TTC19: variants seen among roughly 807,000 people sequenced by gnomAD.
TTC19 encodes the protein tetratricopeptide repeat protein 19, mitochondrial.
In TTC19, 38 loss-of-function variants were observed where a neutral mutation model predicts 49.5. The ratio of observed to expected loss-of-function variants is 0.77; its 90% CI spans 0.59 to 1.01. TTC19 has a LOEUF of 1.01. Among genes scored for constraint, TTC19 ranks in the 50% least tolerant of loss-of-function variants. The pLI is 0.00. For synonymous variants in TTC19, 204 were observed against 185.2 expected (o/e 1.10, Z -0.83); for missense variants, 475 against 477.7 (o/e 0.99, Z 0.05).
downstream of TTC19, chr17:16,032,383 A>G (rs770346969): frequency 1.4e-5 from 22 of 1,613,980 alleles, no homozygotes; most frequent in Admixed American, 2.3e-4. Context: ...GTTGGTGAGG[A>G]GCTGCTTGGT....
intron 2 of TTC19, among the ~76,000 whole-genome samples, chr17:16,037,786 T>A (rs2056721783): frequency 1.3e-5 from 2 of 152,222 alleles, no homozygotes; most frequent in African/African-American, 4.8e-5. Flanking sequence ...CCAGACTGTG[T>A]AGCTGATGAA....
At chr17:16,035,809 T>C (rs2056234248) in intron 2 of TTC19, among the ~76,000 whole-genome samples, 1 of 152,144 alleles carries the variant, frequency 6.6e-6, no homozygotes, top group Non-Finnish European at 1.5e-5. Context: ...CCCAAAGTGC[T>C]GGGATTACAG....
Position 16,025,270 on chromosome 17 carries a change from T to G in TTC19, c.831+99T>G, listed in dbSNP as rs2301652. On this transcript the variant is annotated intron_variant, in intron 8 of 9. Transcript: ENST00000261647. The stretch of plus-strand genomic sequence containing the variant: ...CATTGGTAACAGGATCAGCAGATGG[T>G]CCTAGATCCTCCTTGGTCCCCAGTC... 647,274 of 1,246,896 alleles carry G rather than the reference T, an allele frequency of 0.52. 170,137 individuals carry two copies. The highest frequency in any genetic ancestry group is 0.58 in the Middle Eastern group (3,028 of 5,250). 77.2% of individuals were successfully genotyped at this position (1,246,896 alleles called of 1,614,324 possible).
intron 3 of TTC19, 139 bp downstream of exon 3, chr17:16,002,164 T>C (rs1302619415): frequency 9.7e-6 from 7 of 719,162 alleles, no homozygotes; most frequent in Non-Finnish European, 1.5e-5. Context: ...TCTTTTGGCT[T>C]CAGTTTCATT....
chr17:16,029,463 C>A, downstream of TTC19: 4 of 272,826 alleles, frequency 1.5e-5, no homozygotes, highest in Non-Finnish European at 2.9e-5. Flanking sequence ...ACTCAGTGTA[C>A]CAAAATTAAA....
rs1182788402 is a variant in TTC19 at position 16,001,866 on chromosome 17, T to C, written c.313-49T>C. ...GCATACACTTCTGTCTCTTAGCATA[T>C]GCATCTACTATATGTTTCATTTTCT... On this transcript the variant is annotated intron_variant, in intron 2 of 9. Transcript: ENST00000261647. 3 of 1,273,598 alleles carry C rather than the reference T, an allele frequency of 2.4e-6. No individual in the cohort carries two copies. In the African/African-American group the frequency reaches 4.4e-5, roughly 19 times the overall value. The allele number at this position is 1,273,598 out of a possible 1,614,324, so 78.9% of individuals were successfully genotyped here.
rs2057234572 is a variant in TTC19, at chr17:16,039,895, A to C, written c.248-4608A>C. 5 of 452,400 alleles carry C rather than the reference A, an allele frequency of 1.1e-5. No individual in the cohort carries two copies. In the Admixed American group the frequency reaches 1.7e-4, roughly 15 times the overall value. The allele number at this position is 452,400 out of a possible 1,614,324, so 28.0% of individuals were successfully genotyped here. ...AACCTCCGCCTCCCAGATTCAAGGGATTCTCCTACCTCAGTCTCCCAAGTA... is the reference window on the plus strand; with the variant it reads ...AACCTCCGCCTCCCAGATTCAAGGGCTTCTCCTACCTCAGTCTCCCAAGTA... On this transcript the variant is annotated intron_variant, in intron 2 of 2. Transcript: ENST00000470649.
At chr17:16,001,848 C>T (rs1170200666) in intron 2 of TTC19, 67 bp from the exon 3 acceptor site, 11 of 1,094,238 alleles carry the variant, frequency 1.0e-5, no homozygotes, top group Non-Finnish European at 1.3e-5. Flanking sequence ...GTTGCATACA[C>T]TTCTGTCTCT....
At chr17:16,006,681 A>C (rs771451329) in intron 7 of TTC19, 113 bp downstream of exon 7, 16 of 737,276 alleles carry the variant, frequency 2.2e-5, no homozygotes, top group Non-Finnish European at 3.8e-5. Context: ...CCTATTTTGC[A>C]AAATAAGTGT....
chr17:16,022,941 T>C (rs974948207), intron 7 of TTC19, among the ~76,000 whole-genome samples: 2 of 152,162 alleles, frequency 1.3e-5, no homozygotes, highest in African/African-American at 2.4e-5. Flanking sequence ...ACGATTCCAA[T>C]ATATTTCTCA....
intron 2 of TTC19, chr17:16,034,683 T>C (rs1973760928): frequency 1.6e-6 from 2 of 1,229,780 alleles, no homozygotes; most frequent in Non-Finnish European, 2.3e-6. Context: ...ATTAGAAGAG[T>C]TGCTGAATTT....
At chr17:16,003,953 A>G in intron 5 of TTC19, 66 bp downstream of exon 5, 7 of 1,532,136 alleles carry the variant, frequency 4.6e-6, no homozygotes, top group Non-Finnish European at 5.4e-6. Flanking sequence ...GTCTCCTGAA[A>G]ACTCCTCCTA....
intron 8 of TTC19, among the ~76,000 whole-genome samples, chr17:16,025,842 G>C (rs115007434): frequency 0.011 from 1,680 of 152,240 alleles, 28 homozygotes; most frequent in African/African-American, 0.038. Flanking sequence ...TGAGTAATAT[G>C]TTTTGGAAGA....
rs1196467202 is a variant in TTC19, at chr17:16,000,198, G to A, written c.265G>A (p.Ala89Thr). 3.1e-6 allele frequency: 5 copies of A among 1,594,530 alleles called. No homozygotes were observed. The African/African-American group carries it at 4.0e-5, about 13-fold the overall frequency. The part of the protein sequence containing the change: ...GADGAAAEDG[A>T]DEAEAEIIQL... ...CGACGGGGCCGCTGCCGAGGACGGG[G>A]CGGACGAGGCCGAGGCAGAGATCAT... is the stretch of plus-strand genomic sequence containing the variant. Residue 89 changes from alanine to threonine, a missense_variant, in exon 2 of 10, where the codon GCG becomes ACG. Coordinates refer to ENST00000261647, the MANE Select transcript of TTC19 (RefSeq NM_017775.4).
In TTC19 at chr17:16,025,042, C is replaced by T. The variant is rs1971504079; in HGVS notation, c.702C>T (p.Leu234=). The T allele has an allele frequency of 1.9e-6, 3 of 1,613,954 alleles. No homozygotes were observed. The South Asian group carries it at 3.3e-5, about 18-fold the overall frequency. ...TGGAAGAGAAAGCCAATACCCACCT[C>T]CTCTTGGGCATGTGCTTAGACGCCT... ...MSVEEKANTH[L]LLGMCLDACA... The change falls in exon 8 of 10, where the codon CTC becomes CTT. Residue 234 remains leucine, a synonymous_variant. Transcript: ENST00000261647.
intron 6 of TTC19, among the ~76,000 whole-genome samples, chr17:16,004,941 C>T (rs1218322848): frequency 6.6e-6 from 1 of 152,196 alleles, no homozygotes; most frequent in Non-Finnish European, 1.5e-5. Flanking sequence ...TTCCTGGAGC[C>T]TTTGACTTCA....
At chr17:16,016,676 G>T (rs145881895) in intron 7 of TTC19, among the ~76,000 whole-genome samples, 2 of 150,010 alleles carry the variant, frequency 1.3e-5, no homozygotes, top group African/African-American at 4.9e-5. Context: ...TTGCACTTCA[G>T]CCTCCCGAGT....
intron 5 of TTC19, 66 bp from the exon 6 acceptor site, chr17:16,004,135 T>G: frequency 2.7e-6 from 4 of 1,482,124 alleles, no homozygotes; most frequent in Non-Finnish European, 3.8e-6. Flanking sequence ...GTCTGGAAGT[T>G]GATCTGAAAT....
chr17:16,032,807 T>A (rs1461796958), downstream of TTC19, among the ~76,000 whole-genome samples: 1 of 152,182 alleles, frequency 6.6e-6, no homozygotes. Context: ...CAGAGTCAGG[T>A]TATAGCAAGA....
Sources: allele counts gnomAD v4.1 joint callset (sites outside exome capture counted in the v4.1 genomes callset), GRCh38; gene constraint gnomAD v4.1.1; transcripts MANE v1.5; gene names NCBI Gene and HGNC (gene_info 2026-07-23, HGNC 2026-07-21).